The following POLD1 variants were observed in gnomAD, a reference collection of about 807,000 sequenced individuals.
POLD1 encodes the protein DNA polymerase delta 1, catalytic subunit.
A neutral mutation model predicts 129.7 loss-of-function variants in POLD1; 79 were observed. The ratio of observed to expected loss-of-function variants is 0.61; its 90% CI spans 0.51 to 0.73. The LOEUF (loss-of-function observed/expected upper bound fraction) is 0.73. Among genes scored for constraint, POLD1 ranks in the 30% least tolerant of loss-of-function variants. The pLI, the probability that POLD1 is intolerant of heterozygous loss-of-function variation, is 0.00. For synonymous variants in POLD1, 714 were observed against 683.3 expected, an observed-to-expected ratio of 1.04 and a Z score of -0.70; for missense variants, 1,338 against 1,595.8, an observed-to-expected ratio of 0.84 and a Z score of 2.75.
intron 10 of POLD1, 110 bp downstream of exon 10, chr19:50,403,707 T>C (rs1029632974): frequency 1.3e-6 from 1 of 769,702 alleles, no homozygotes; most frequent in Non-Finnish European, 2.3e-6. Flanking sequence ...TCTTGCTCTG[T>C]GTGCCTCAGC....
intron 10 of POLD1, among the ~76,000 whole-genome samples, chr19:50,405,831 C>T (rs994458530): frequency 5.9e-5 from 9 of 152,154 alleles, no homozygotes; most frequent in South Asian, 2.1e-4. Context: ...AGCTCCACGC[C>T]GCCTCCTGCC....
chr19:50,402,118 C>CGAGA lies in POLD1; in HGVS notation c.587_589+1dup, dbSNP rs1060501829. On this transcript the variant is annotated frameshift_variant, in exon 5 of 27. Transcript: ENST00000440232. LOFTEE classifies it high-confidence loss of function. ...CGTGCTGGCTGTGGAACTGTGCTCC[C>CGAGA]GAGAGAGTGAGTGCTCCCCCAGGAT... The CGAGA allele has an allele frequency of 6.2e-7, 1 of 1,611,096 alleles. No individual in the cohort carries two copies. The highest frequency in any genetic ancestry group is 1.7e-5 in the Admixed American group (1 of 59,776).
chr19:50,413,567 G>A, intron 18 of POLD1, 46 bp downstream of exon 18: 5 of 1,559,688 alleles, frequency 3.2e-6, no homozygotes, highest in African/African-American at 1.4e-5. Context: ...CAGGGCAGGT[G>A]GGGGGATGGA....
chr19:50,402,071 G>C lies in POLD1; in HGVS notation c.536G>C (p.Gly179Ala), dbSNP rs1060501831. ...GCCATCAGCCGGGACAGTCGCGGGG[G>C]GAGGGAGCTGACTGGGCCGGCCGTG... ...NLAISRDSRG[G>A]RELTGPAVLA... Residue 179 changes from glycine (G) to alanine (A), a missense_variant, in exon 5 of 27, where the codon GGG becomes GCG. Gly to Ala is a moderately conservative substitution (Grantham distance 60). Around this residue, in one of 3 missense-constraint regions of POLD1, gnomAD observed 332 missense variants for 315.7 expected, o/e 1.05. Transcript: ENST00000440232. The C allele has an allele frequency of 6.2e-7, 1 of 1,614,086 alleles. No individual in the cohort carries two copies. The highest frequency in any genetic ancestry group is 8.5e-7 in the Non-Finnish European group (1 of 1,179,992).
At chr19:50,411,091 G>A (rs1273751173) in intron 17 of POLD1, 1 of 151,754 alleles carries the variant, frequency 6.6e-6, no homozygotes, top group Non-Finnish European at 1.5e-5. Context: ...CCAAGTGGCT[G>A]GGACTGCGGG....
chr19:50,407,500 A>T, intron 14 of POLD1, 85 bp downstream of exon 14: 1 of 801,460 alleles, frequency 1.2e-6, no homozygotes, highest in East Asian at 3.1e-5. Flanking sequence ...GGAGTTTGAG[A>T]CCAGCCAGGG....
At chr19:50,401,335 CATATA>C (rs1330721870) in intron 3 of POLD1, among the ~76,000 whole-genome samples, 5 of 108,866 alleles carry the variant, frequency 4.6e-5, no homozygotes, top group African/African-American at 1.4e-4. Flanking sequence ...TTTATTTGTA[CATATA>C]ATATGTGTGT....
rs760898812 is a variant in POLD1 at position 50,414,974 on chromosome 19, C to T, written c.2548C>T (p.Arg850Cys). 1.3e-5 allele frequency: 20 copies of T among 1,589,204 alleles called. No homozygotes were observed. The highest frequency in any genetic ancestry group is 3.5e-5 in the Admixed American group (2 of 57,000). Residue 850 changes from arginine to cysteine, a missense_variant, in exon 20 of 27, where the codon CGC (arginine) becomes TGC (cysteine). Physicochemically the swap from Arg to Cys is radical, Grantham distance 180. This residue lies in a region of POLD1 where 720 missense variants were observed against 1,002.6 expected (regional missense o/e 0.72). Transcript: ENST00000440232. ...VANLVTASLR[R>C]LLIDRDPEGA... ...CAACCTGGTCACTGCCTCACTGCGC[C>T]GCCTGCTCATCGACCGGTGTGTGGG...
At position 50,402,454 on chromosome 19, in the gene POLD1, G is replaced by T; in HGVS notation, c.759G>T (p.Arg253=). ...TCCACTGACCCCCAGCCCCCTCCAG[G>T]TTCATGGTGGACACGGACATCGTCG... ...PYEANVDFEI[R]FMVDTDIVGC... The change falls in exon 7 of 27, where the codon CGG becomes CGT. Residue 253 remains arginine (R), a splice_region_variant and synonymous_variant. Transcript: ENST00000440232. 3 of 1,612,854 alleles carry T rather than the reference G, an allele frequency of 1.9e-6. No homozygotes were observed. Among genetic ancestry groups the T allele is most frequent in the Middle Eastern group, 1.6e-4 (1 of 6,062 alleles).
intron 17 of POLD1, among the ~76,000 whole-genome samples, chr19:50,412,261 T>C (rs1187359795): frequency 2.0e-5 from 3 of 152,138 alleles, no homozygotes; most frequent in African/African-American, 4.8e-5. Context: ...CAAGTGATTC[T>C]CCTGCCTCAG....
In POLD1 at chr19:50,406,394, C is replaced by G. The variant is rs536467012; in HGVS notation, c.1384-13C>G. The stretch of plus-strand genomic sequence containing the variant: ...CCCAGGCCCGCAGCCCACCAGCCCA[C>G]CCACCCACCTAGGTGCTGCTGCGGG... On this transcript the variant is annotated splice_polypyrimidine_tract_variant and intron_variant, in intron 11 of 26. Transcript: ENST00000440232. The surrounding 1 kb of genome is among the most constrained non-coding windows in gnomAD (Gnocchi z 5.5). 1.4e-4 allele frequency: 227 copies of G among 1,606,896 alleles called. 1 individual carries two copies. In the South Asian group the frequency reaches 2.3e-3, roughly 17 times the overall value.
intron 1 of POLD1, among the ~76,000 whole-genome samples, chr19:50,393,730 C>T (rs2038246713): frequency 1.3e-5 from 2 of 152,198 alleles, no homozygotes; most frequent in South Asian, 2.1e-4. Context: ...GTTGTACAAC[C>T]ATTACCTCTG....
intron 18 of POLD1, 92 bp from the exon 19 acceptor site, chr19:50,413,650 C>G (rs1243874276): frequency 3.9e-6 from 6 of 1,539,376 alleles, no homozygotes; most frequent in Non-Finnish European, 5.3e-6. Flanking sequence ...ATCCTTGGGT[C>G]CCGTTGGCAT....
chr19:50,397,682 C>T (rs1006792229), intron 1 of POLD1, among the ~76,000 whole-genome samples: 4 of 151,988 alleles, frequency 2.6e-5, no homozygotes, highest in Non-Finnish European at 4.4e-5. Context: ...GGATTACAGG[C>T]GTGAGCCATC....
In POLD1 at chr19:50,388,825, C is replaced by CTTTTTTTT. The variant is rs34487979; in HGVS notation, c.-2+4453_-2+4460dup. Reference sequence around the variant, plus strand: ...CCTCTGAAAACTCCAGCAGTTAACTCTTTTTTTTTTTTTTTTTTTTTTTTT... The same window carrying CTTTTTTTT: ...CCTCTGAAAACTCCAGCAGTTAACTCTTTTTTTTTTTTTTTTTTTTTTTTTTTTTTTTT... On this transcript the variant is annotated intron_variant, in intron 1 of 26. Transcript: ENST00000440232. 2.2e-4 allele frequency among the ~76,000 whole-genome samples: 20 copies of CTTTTTTTT among 88,892 alleles called. 1 individual carries two copies. Among genetic ancestry groups the CTTTTTTTT allele is most frequent in the African/African-American group, 4.8e-4 (10 of 20,884 alleles). 58.3% of individuals were successfully genotyped at this position (88,892 alleles called of 152,430 possible).
intron 24 of POLD1, 22 bp from the exon 25 acceptor site, chr19:50,417,023 G>T (rs562878339): frequency 6.5e-7 from 1 of 1,546,914 alleles, no homozygotes; most frequent in South Asian, 1.2e-5. Context: ...CCCAGCACTT[G>T]GGCTGACCCG....
Position 50,389,329 on chromosome 19 carries a change from C to G in POLD1, c.-2+4939C>G, listed in dbSNP as rs1264405461. 4.6e-5 allele frequency among the ~76,000 whole-genome samples: 7 copies of G among 151,850 alleles called. No individual in the cohort carries two copies. The East Asian group carries it at 1.4e-3, about 30-fold the overall frequency. ...TAGAGACAGGGTGTCACCATGTTGC[C>G]TAGGCTGATCTCAAACTCCTGGGTT... On this transcript the variant is annotated intron_variant, in intron 1 of 26. Coordinates refer to ENST00000440232, the MANE Select transcript of POLD1 (RefSeq NM_002691.4).
At position 50,401,828 on chromosome 19, in the gene POLD1, C is replaced by A. The variant is rs761127022; in HGVS notation, c.367C>A (p.Pro123Thr). The A allele has an allele frequency of 2.5e-6, 4 of 1,613,812 alleles. No individual in the cohort carries two copies. Among genetic ancestry groups the A allele is most frequent in the Non-Finnish European group, 8.5e-7 (1 of 1,179,904 alleles). Residue 123 changes from proline to threonine, a missense_variant, in exon 4 of 27, where the codon CCT (proline) becomes ACT (threonine). By Grantham distance (38) the Pro-to-Thr change is conservative. Around this residue, in one of 3 missense-constraint regions of POLD1, gnomAD observed 332 missense variants for 315.7 expected, o/e 1.05. Transcript: ENST00000440232. Reference protein sequence around the residue: ...GGPPPSRGSVPVLRAFGVTDE... With the variant: ...GGPPPSRGSVTVLRAFGVTDE... ...GCCCCCACCATCCCGCGGCTCCGTG[C>A]CTGTGCTCCGCGCCTTCGGGGTCAC...
rs142017093 is a variant in POLD1, at chr19:50,414,876, G to A, written c.2450G>A (p.Arg817Gln). Residue 817 changes from arginine to glutamine, a missense_variant, in exon 20 of 27, where the codon CGG becomes CAG. Arg to Gln is a conservative substitution (Grantham distance 43, BLOSUM62 1). Transcript: ENST00000440232. ...TACGCGGGCCTGCTCTTCTCCTCCC[G>A]GCCCGACGCCCACGACCGCATGGAC... ...KRYAGLLFSS[R>Q]PDAHDRMDCK... 29 of 1,606,706 alleles carry A rather than the reference G, an allele frequency of 1.8e-5. No individual in the cohort carries two copies. Among genetic ancestry groups the A allele is most frequent in the Middle Eastern group, 1.7e-4 (1 of 6,048 alleles).
Sources: gnomAD v4.1 joint callset for allele counts (sites outside exome capture counted in the v4.1 genomes callset) on GRCh38, gnomAD v4.1.1 for gene constraint, gnomAD v4.1.1 regional missense constraint, Gnocchi (gnomAD v3.1) non-coding constraint, MANE v1.5 for transcripts, NCBI Gene and HGNC (gene_info 2026-07-23, HGNC 2026-07-21) for gene names.